The following TBC1D8 variants were observed in gnomAD, a reference collection of about 807,000 sequenced individuals.
The protein encoded by TBC1D8 is TBC1 domain family member 8.
TBC1D8 carries 65 observed loss-of-function variants against 118.8 expected under a neutral mutation model. That is an observed-to-expected ratio of 0.55 (90% CI 0.45 to 0.67). The LOEUF is 0.67. Ranked by LOEUF, TBC1D8 falls within the 30% of genes least tolerant of loss-of-function variation. TBC1D8 has a pLI of 0.00. For synonymous variants in TBC1D8, 566 were observed against 595.8 expected, an observed-to-expected ratio of 0.95 and a Z score of 0.73; for missense variants, 1,376 against 1,471.2, an observed-to-expected ratio of 0.94 and a Z score of 1.06.
intron 17 of TBC1D8, among the ~76,000 whole-genome samples, chr2:101,020,005 G>A (rs751435708): frequency 6.6e-6 from 1 of 151,492 alleles, no homozygotes; most frequent in Non-Finnish European, 1.5e-5. Context: ...CCCGGGAGGC[G>A]GAGCTTGCAG....
chr2:101,059,392 G>C, intron 3 of TBC1D8, 29 bp downstream of exon 3: 2 of 1,516,054 alleles, frequency 1.3e-6, no homozygotes, highest in African/African-American at 2.7e-5. Flanking sequence ...TGGAAAGATG[G>C]GGAGAAACAT....
At position 101,078,121 on chromosome 2, in the gene TBC1D8, C is replaced by T. The variant is rs533692204; in HGVS notation, c.283+12088G>A. 2.6e-5 allele frequency among the ~76,000 whole-genome samples: 4 copies of T among 152,300 alleles called. No individual in the cohort carries two copies. The East Asian group carries it at 5.8e-4, about 22-fold the overall frequency. ...AACGAGCAGCTTCCATTCCCTGGCC[C>T]ACCACACTATCCTTGAAAAACCCTA... On this transcript the variant is annotated intron_variant, in intron 2 of 19. Transcript: ENST00000409318.
At chr2:101,095,093 T>C (rs1392134900) in intron 1 of TBC1D8, among the ~76,000 whole-genome samples, 3 of 151,930 alleles carry the variant, frequency 2.0e-5, no homozygotes, top group Non-Finnish European at 2.9e-5. Context: ...ACAACTTGCA[T>C]AGGTTTTAAC....
intron 3 of TBC1D8, among the ~76,000 whole-genome samples, chr2:101,058,896 T>A (rs1403025666): frequency 7.7e-6 from 1 of 130,344 alleles, no homozygotes; most frequent in Non-Finnish European, 1.6e-5. Flanking sequence ...GAGAATAAAG[T>A]CTTTTTTATT....
intron 14 of TBC1D8, among the ~76,000 whole-genome samples, chr2:101,027,770 G>A (rs762254715): frequency 6.6e-4 from 101 of 152,216 alleles, no homozygotes; most frequent in Admixed American, 9.2e-4. Context: ...CGGGCCCCCT[G>A]TGCTAGGCAT....
intron 1 of TBC1D8, among the ~76,000 whole-genome samples, chr2:101,099,048 C>A (rs887621746): frequency 1.4e-5 from 2 of 139,798 alleles, no homozygotes; most frequent in Non-Finnish European, 1.6e-5. Flanking sequence ...CACGAAAAAC[C>A]ATCCAAAAAA....
chr2:101,021,999 AG>A (rs1680056750), intron 16 of TBC1D8, among the ~76,000 whole-genome samples: 1 of 152,230 alleles, frequency 6.6e-6, no homozygotes, highest in East Asian at 1.9e-4. Flanking sequence ...GACAAAAGTT[AG>A]GAACATGGCT....
chr2:101,026,200 T>TC (rs1238048563), intron 15 of TBC1D8, among the ~76,000 whole-genome samples: 7 of 151,970 alleles, frequency 4.6e-5, no homozygotes, highest in Admixed American at 2.0e-4. Context: ...CCTAAATAAA[T>TC]CAAAGTCTTT....
chr2:101,117,187 T>C (rs752393200), intron 1 of TBC1D8, among the ~76,000 whole-genome samples: 2 of 152,126 alleles, frequency 1.3e-5, no homozygotes. Flanking sequence ...AGAGGGAGCA[T>C]GGTGGACAAG....
Position 101,048,448 on chromosome 2 carries a change from AC to A in TBC1D8, c.872+1952del, listed in dbSNP as rs368483515. 5.9e-5 allele frequency among the ~76,000 whole-genome samples: 9 copies of A among 151,974 alleles called. No homozygotes were observed. The East Asian group carries it at 7.7e-4, about 13-fold the overall frequency. Reference sequence around the variant, plus strand: ...TGTCCTTTCACAGGGGGCAACGAGCACCCCCTCACCCTCCATCTCAGATTAT... The same window carrying A: ...TGTCCTTTCACAGGGGGCAACGAGCACCCCTCACCCTCCATCTCAGATTAT... On this transcript the variant is annotated intron_variant, in intron 5 of 19. Coordinates refer to ENST00000409318, the MANE Select transcript of TBC1D8 (RefSeq NM_001330348.2).
intron 1 of TBC1D8, among the ~76,000 whole-genome samples, chr2:101,119,036 A>G (rs527363371): frequency 1.3e-5 from 2 of 152,270 alleles, no homozygotes; most frequent in Non-Finnish European, 2.9e-5. Flanking sequence ...AGACTCCACG[A>G]AAGACTCTCA....
intron 3 of TBC1D8, among the ~76,000 whole-genome samples, chr2:101,057,779 G>A (rs908860943): frequency 6.6e-6 from 1 of 152,144 alleles, no homozygotes; most frequent in Non-Finnish European, 1.5e-5. Context: ...AGCCACGATT[G>A]CACCACTGCA....
intron 2 of TBC1D8, among the ~76,000 whole-genome samples, chr2:101,069,561 G>A (rs1172501484): frequency 6.6e-6 from 1 of 152,114 alleles, no homozygotes; most frequent in East Asian, 1.9e-4. Flanking sequence ...ACTCCGGCCT[G>A]GGCAACAAGA....
intron 5 of TBC1D8, among the ~76,000 whole-genome samples, chr2:101,043,699 T>A (rs376950244): frequency 1.1e-4 from 16 of 152,258 alleles, no homozygotes; most frequent in East Asian, 7.7e-4. Flanking sequence ...CCCAGCACTT[T>A]GGGAGGCCGA....
At chr2:101,141,858 G>T (rs1404228485) in intron 1 of TBC1D8, among the ~76,000 whole-genome samples, 2 of 145,506 alleles carry the variant, frequency 1.4e-5, no homozygotes, top group Middle Eastern at 3.5e-3. Flanking sequence ...CTAAAAAAAA[G>T]GTAAGCCAAC....
At chr2:101,012,167 AAGTT>A (rs1558617010) in intron 17 of TBC1D8, among the ~76,000 whole-genome samples, 1 of 152,244 alleles carries the variant, frequency 6.6e-6, no homozygotes, top group Non-Finnish European at 1.5e-5. Context: ...GTTTTTAAAA[AAGTT>A]AAAGTTACCA....
At chr2:101,138,821 C>A (rs183111329) in intron 1 of TBC1D8, among the ~76,000 whole-genome samples, 1 of 152,122 alleles carries the variant, frequency 6.6e-6, no homozygotes, top group African/African-American at 2.4e-5. Context: ...ACCACCTGAG[C>A]ATGACTGATC....
intron 10 of TBC1D8, chr2:101,033,292 T>G: frequency 1.9e-6 from 1 of 526,038 alleles, no homozygotes; most frequent in Non-Finnish European, 3.5e-6. Flanking sequence ...AATTTTTGTA[T>G]TTTTAGTAGA....
At chr2:101,040,054 C>T (rs1681280335) in intron 6 of TBC1D8, 124 bp downstream of exon 6, 2 of 1,090,888 alleles carry the variant, frequency 1.8e-6, no homozygotes, top group Non-Finnish European at 2.7e-6. Context: ...TTGGAGTCAT[C>T]CATCTTTAGA....
Sources: gnomAD v4.1 joint callset for allele counts (sites outside exome capture counted in the v4.1 genomes callset) on GRCh38, gnomAD v4.1.1 for gene constraint, MANE v1.5 for transcripts, NCBI Gene and HGNC (gene_info 2026-07-23, HGNC 2026-07-21) for gene names.